DNAH11: variants seen among roughly 807,000 people sequenced by gnomAD.
DNAH11 encodes axonemal beta dynein heavy chain 11.
DNAH11 carries 442 observed loss-of-function variants against 526.0 expected under a neutral mutation model. The observed-to-expected ratio is 0.84, with a 90% CI of 0.78 to 0.91. The LOEUF (loss-of-function observed/expected upper bound fraction) is 0.91. DNAH11 is among the 40% of genes least tolerant of loss of function. The probability of loss-of-function intolerance (pLI) is 0.00; values close to 1 mark genes in which losing one functional copy is unlikely to be tolerated. For synonymous variants in DNAH11, 2,461 were observed against 1,935.9 expected (o/e 1.27, Z -7.12); for missense variants, 6,989 against 5,448.7 (o/e 1.28, Z -8.90).
chr7:21,629,889 T>C (rs1417806006), intron 25 of DNAH11, among the ~76,000 whole-genome samples: 1 of 152,156 alleles, frequency 6.6e-6, no homozygotes, highest in African/African-American at 2.4e-5. Context: ...CTTTATGCAT[T>C]TAATTGGATA....
intron 18 of DNAH11, among the ~76,000 whole-genome samples, chr7:21,605,095 C>T (rs1226882745): frequency 6.6e-6 from 1 of 152,192 alleles, no homozygotes; most frequent in Non-Finnish European, 1.5e-5. Context: ...CTCACTCTGA[C>T]AGATTATAAA....
chr7:21,780,292 C>T (rs772033447), intron 57 of DNAH11, among the ~76,000 whole-genome samples: 2 of 152,080 alleles, frequency 1.3e-5, no homozygotes, highest in African/African-American at 4.8e-5. Flanking sequence ...GGCCTGTAAT[C>T]CCTGCACTTA....
At chr7:21,592,440 T>C (rs1784723789) in intron 14 of DNAH11, among the ~76,000 whole-genome samples, 1 of 152,128 alleles carries the variant, frequency 6.6e-6, no homozygotes, top group African/African-American at 2.4e-5. Flanking sequence ...GTCAGCAAAC[T>C]GAGATCAGAA....
intron 18 of DNAH11, among the ~76,000 whole-genome samples, chr7:21,604,831 A>C (rs1277917925): frequency 6.6e-6 from 1 of 152,128 alleles, no homozygotes; most frequent in Non-Finnish European, 1.5e-5. Context: ...TGGAATACTT[A>C]GGTTCCATGG....
intron 58 of DNAH11, among the ~76,000 whole-genome samples, chr7:21,785,152 C>T (rs895944437): frequency 1.3e-5 from 2 of 152,154 alleles, no homozygotes; most frequent in African/African-American, 4.8e-5. Context: ...GGTCTTCTGC[C>T]AGACCTCTGG....
rs1429778954 is a variant in DNAH11 at position 21,854,346 on chromosome 7, T to C, written c.11093T>C (p.Ile3698Thr). Residue 3698 changes from isoleucine (I) to threonine (T), a missense_variant, in exon 68 of 82, where the codon ATC becomes ACC. Coordinates refer to ENST00000409508, the MANE Select transcript of DNAH11 (RefSeq NM_001277115.2). ...VIEAKENERK[I>T]NEARECYRPV... is the part of the protein sequence containing the mutation. Reference sequence around the variant, plus strand: ...GAAGCCAAAGAAAATGAAAGAAAAATCAACGAGGCCCGAGAATGTTACAGA... The same window carrying C: ...GAAGCCAAAGAAAATGAAAGAAAAACCAACGAGGCCCGAGAATGTTACAGA... 1 of 1,613,456 alleles carries C rather than the reference T, an allele frequency of 6.2e-7. No homozygotes were observed.
intron 5 of DNAH11, 175 bp downstream of exon 5, chr7:21,561,345 C>T (rs1435400788): frequency 7.3e-6 from 4 of 548,194 alleles, no homozygotes; most frequent in Admixed American, 3.6e-5. Flanking sequence ...CCATACTAAA[C>T]TACTTTTAGT....
chr7:21,543,835 G>A, intron 1 of DNAH11: 3 of 557,146 alleles, frequency 5.4e-6, no homozygotes, highest in Non-Finnish European at 9.4e-6. Flanking sequence ...ATCCCGCGTT[G>A]AGCCTGTTCG....
At chr7:21,758,464 T>C (rs1244379848) in intron 54 of DNAH11, among the ~76,000 whole-genome samples, 2 of 152,176 alleles carry the variant, frequency 1.3e-5, no homozygotes, top group Admixed American at 6.5e-5. Context: ...ATGTACTGAG[T>C]GCCCGTGATG....
chr7:21,779,222 A>G, intron 57 of DNAH11, 118 bp downstream of exon 57: 1 of 1,246,594 alleles, frequency 8.0e-7, no homozygotes, highest in Non-Finnish European at 1.1e-6. Context: ...AAGAATTATT[A>G]TAGTTACACA....
At chr7:21,716,362 A>G (rs1784662648) in intron 42 of DNAH11, among the ~76,000 whole-genome samples, 3 of 152,208 alleles carry the variant, frequency 2.0e-5, no homozygotes, top group Admixed American at 6.5e-5. Context: ...TCAGATGCTA[A>G]TGTAAGCACT....
At chr7:21,588,683 G>T in intron 11 of DNAH11, 47 bp downstream of exon 11, 3 of 1,593,866 alleles carry the variant, frequency 1.9e-6, no homozygotes, top group Non-Finnish European at 2.6e-6. Flanking sequence ...AATGGTACGG[G>T]TGACATTTTA....
intron 54 of DNAH11, 93 bp from the exon 55 acceptor site, chr7:21,765,335 C>T: frequency 6.4e-7 from 1 of 1,566,870 alleles, no homozygotes; most frequent in Non-Finnish European, 8.7e-7. Context: ...TCACAGTTGG[C>T]TGCACTCCTT....
In DNAH11 at chr7:21,803,635, G is replaced by C. The variant is rs1231752494; in HGVS notation, c.10165+2360G>C. ...AAAAAGTCTGGAAAAGTGGGGAATG[G>C]GGCTATCATCATTGAAGTCTGGAAA... On this transcript the variant is annotated intron_variant, in intron 62 of 81. Transcript: ENST00000409508. Among the ~76,000 whole-genome samples the C allele has an allele frequency of 2.0e-5, 3 of 151,874 alleles. No homozygotes were observed. The East Asian group carries it at 5.8e-4, about 29-fold the overall frequency.
chr7:21,832,336 T>G (rs1781820101), intron 65 of DNAH11, among the ~76,000 whole-genome samples: 1 of 152,238 alleles, frequency 6.6e-6, no homozygotes, highest in Non-Finnish European at 1.5e-5. Flanking sequence ...TTTCCATGTT[T>G]AGTGCTTCCT....
At chr7:21,652,136 C>T (rs886916649) in intron 28 of DNAH11, among the ~76,000 whole-genome samples, 1 of 152,168 alleles carries the variant, frequency 6.6e-6, no homozygotes, top group Non-Finnish European at 1.5e-5. Flanking sequence ...GATGACCAGA[C>T]ACCACCAGAG....
intron 14 of DNAH11, among the ~76,000 whole-genome samples, chr7:21,594,002 C>T (rs1784780964): frequency 6.6e-6 from 1 of 150,378 alleles, no homozygotes; most frequent in Non-Finnish European, 1.5e-5. Context: ...CTTCCTCTCA[C>T]ATATCACACA....
intron 62 of DNAH11, among the ~76,000 whole-genome samples, chr7:21,802,602 T>A (rs967825798): frequency 6.6e-6 from 1 of 152,182 alleles, no homozygotes; most frequent in Non-Finnish European, 1.5e-5. Flanking sequence ...AAATAAAATG[T>A]ATATCCATAT....
chr7:21,895,754 G>A (rs936258178), intron 79 of DNAH11, among the ~76,000 whole-genome samples: 3 of 152,076 alleles, frequency 2.0e-5, no homozygotes, highest in African/African-American at 7.2e-5. Context: ...TTTTGAGACA[G>A]AGTCTCACTC....
Sources: gnomAD v4.1 joint callset for allele counts (sites outside exome capture counted in the v4.1 genomes callset) on GRCh38, gnomAD v4.1.1 for gene constraint, MANE v1.5 for transcripts, NCBI Gene and HGNC (gene_info 2026-07-23, HGNC 2026-07-21) for gene names.